Variants in FBXO11 observed in about 807,000 individuals in gnomAD.
The protein encoded by FBXO11 is F-box protein 11, also known as F-box only protein 11.
Under a neutral mutation model 117.0 loss-of-function variants are expected in FBXO11, and 13 were observed. The ratio of observed to expected loss-of-function variants is 0.11; its 90% confidence interval spans 0.07 to 0.18. FBXO11 has a LOEUF of 0.18. Ranked by LOEUF, FBXO11 falls within the 10% of genes least tolerant of loss-of-function variation. The pLI, the probability that FBXO11 is intolerant of heterozygous loss-of-function variation, is 1.00. For missense variants in FBXO11, 767 were observed against 1,164.4 expected (o/e 0.66, Z 4.97); for synonymous variants, 490 against 380.5 (o/e 1.29, Z -3.35).
chr2:47,905,401 C>T (rs1205659547), intron 1 of FBXO11, 88 bp downstream of exon 1: 4 of 1,056,372 alleles, frequency 3.8e-6, no homozygotes, highest in Non-Finnish European at 4.5e-6. Flanking sequence ...GCGCAGGCCG[C>T]CCCCGCCCGC....
At chr2:47,896,016 T>G (rs535436431) in intron 1 of FBXO11, among the ~76,000 whole-genome samples, 2 of 152,326 alleles carry the variant, frequency 1.3e-5, no homozygotes, top group East Asian at 3.9e-4. Context: ...GTTTTAAATG[T>G]ATATAGCCCA....
intron 1 of FBXO11, among the ~76,000 whole-genome samples, chr2:47,899,352 T>G (rs1677923759): frequency 6.6e-6 from 1 of 152,126 alleles, no homozygotes; most frequent in Admixed American, 6.5e-5. Context: ...TCATACAGAT[T>G]GAATTTTATC....
At chr2:47,897,020 T>A (rs1047940860) in intron 1 of FBXO11, among the ~76,000 whole-genome samples, 1 of 152,204 alleles carries the variant, frequency 6.6e-6, no homozygotes, top group Non-Finnish European at 1.5e-5. Context: ...TAAAGCTTGT[T>A]TTTTTCTTTT....
intron 16 of FBXO11, among the ~76,000 whole-genome samples, chr2:47,817,247 C>T (rs1321372907): frequency 6.6e-6 from 1 of 152,188 alleles, no homozygotes; most frequent in African/African-American, 2.4e-5. Flanking sequence ...AGCTTCTTCA[C>T]CTCTTTCAGC....
intron 1 of FBXO11, among the ~76,000 whole-genome samples, chr2:47,859,783 ATAATAT>A (rs1674610078): frequency 6.6e-6 from 1 of 152,230 alleles, no homozygotes. Context: ...TATTCTTAAA[ATAATAT>A]TAATACTTTC....
intron 1 of FBXO11, among the ~76,000 whole-genome samples, chr2:47,889,079 CT>C (rs796277010): frequency 2.7e-4 from 41 of 152,066 alleles, no homozygotes; most frequent in African/African-American, 8.7e-4. Context: ...GCTAGCAGTA[CT>C]TTTTTTTATA....
rs919930234 is a variant in FBXO11 at position 47,884,330 on chromosome 2, C to G, written c.232+21159G>C. Among the ~76,000 whole-genome samples the G allele has an allele frequency of 2.0e-5, 3 of 152,200 alleles. No individual in the cohort carries two copies. The South Asian group carries it at 6.2e-4, about 32-fold the overall frequency. On this transcript the variant is annotated intron_variant, in intron 1 of 22. Transcript: ENST00000403359. ...CTACTTTCTCTTTTCTGAATATAAT[C>G]AGGTACTTCGCCACCAACTCCCGTC...
chr2:47,810,618 A>C, intron 18 of FBXO11, 192 bp from the exon 19 acceptor site: 1 of 480,676 alleles, frequency 2.1e-6, no homozygotes, highest in Non-Finnish European at 3.7e-6. Context: ...CTACAATGAC[A>C]GGTAAGAGCA....
chr2:47,884,750 G>A (rs1243493958), intron 1 of FBXO11, among the ~76,000 whole-genome samples: 1 of 152,110 alleles, frequency 6.6e-6, no homozygotes, highest in East Asian at 1.9e-4. Context: ...GATGATTATT[G>A]ATGCATTATA....
intron 11 of FBXO11, among the ~76,000 whole-genome samples, chr2:47,831,824 T>C (rs1207067161): frequency 6.6e-6 from 1 of 152,210 alleles, no homozygotes; most frequent in Non-Finnish European, 1.5e-5. Flanking sequence ...GGTTTTAAAA[T>C]TGGTATTTTA....
At chr2:47,836,279 C>T (rs1672555891) in intron 4 of FBXO11, among the ~76,000 whole-genome samples, 1 of 152,078 alleles carries the variant, frequency 6.6e-6, no homozygotes, top group Admixed American at 6.6e-5. Flanking sequence ...GCATGTGTCA[C>T]CACGCACAGC....
chr2:47,824,868 G>A (rs1671634062), intron 11 of FBXO11, among the ~76,000 whole-genome samples: 1 of 152,140 alleles, frequency 6.6e-6, no homozygotes, highest in Non-Finnish European at 1.5e-5. Context: ...AATGCAGACT[G>A]AATATTAAGA....
At chr2:47,859,516 A>G (rs1468408020) in intron 1 of FBXO11, among the ~76,000 whole-genome samples, 1 of 152,256 alleles carries the variant, frequency 6.6e-6, no homozygotes. Context: ...TAGATGATTT[A>G]CATACATACA....
At chr2:47,850,375 G>A (rs1673765865) in intron 1 of FBXO11, among the ~76,000 whole-genome samples, 1 of 152,072 alleles carries the variant, frequency 6.6e-6, no homozygotes, top group South Asian at 2.1e-4. Context: ...AAGCATTAGT[G>A]AGTCATTTGG....
chr2:47,883,481 G>T, intron 1 of FBXO11: 1 of 413,788 alleles, frequency 2.4e-6, no homozygotes, highest in South Asian at 1.9e-5. Context: ...AAACCCTTAT[G>T]GGGAAGACCA....
At chr2:47,849,014 G>A (rs1673635533) in intron 1 of FBXO11, among the ~76,000 whole-genome samples, 1 of 152,142 alleles carries the variant, frequency 6.6e-6, no homozygotes, top group Admixed American at 6.5e-5. Flanking sequence ...CATAGTCACA[G>A]ATCAGATTGG....
chr2:47,826,166 C>T (rs773238290), intron 11 of FBXO11, among the ~76,000 whole-genome samples: 7 of 152,082 alleles, frequency 4.6e-5, no homozygotes, highest in Admixed American at 4.6e-4. Context: ...TCACGCCATT[C>T]TCCTGCCTTA....
chr2:47,809,302 G>A (rs200189874), intron 20 of FBXO11, 36 bp from the exon 21 acceptor site: 2 of 1,336,020 alleles, frequency 1.5e-6, no homozygotes, highest in African/African-American at 1.5e-5. Flanking sequence ...AAATTCAGAG[G>A]AATGTTAATA....
chr2:47,875,362 C>A (rs563282770), intron 1 of FBXO11, among the ~76,000 whole-genome samples: 1 of 152,040 alleles, frequency 6.6e-6, no homozygotes, highest in Non-Finnish European at 1.5e-5. Context: ...TCTTCTAATT[C>A]GTATGTCTCC....
Sources: gnomAD v4.1 joint callset for allele counts (sites outside exome capture counted in the v4.1 genomes callset) on GRCh38, gnomAD v4.1.1 for gene constraint, MANE v1.5 for transcripts, NCBI Gene and HGNC (gene_info 2026-07-23, HGNC 2026-07-21) for gene names.